The following PCDH15 variants were observed in gnomAD, a reference collection of about 807,000 sequenced individuals.
PCDH15 encodes the protein protocadherin-15.
A neutral mutation model predicts 178.5 loss-of-function variants in PCDH15; 129 were observed. The observed-to-expected ratio is 0.72, with a 90% CI of 0.63 to 0.84. The LOEUF is 0.84. Among genes scored for constraint, PCDH15 ranks in the 40% least tolerant of loss-of-function variants. PCDH15 has a pLI of 0.00. For missense variants in PCDH15, 2,230 were observed against 2,099.9 expected, an observed-to-expected ratio of 1.06 and a Z score of -1.21; for synonymous variants, 800 against 732.0, an observed-to-expected ratio of 1.09 and a Z score of -1.50.
rs1164391488 is a variant in PCDH15, at chr10:54,028,654, T to C, written c.2221-5457A>G. Among the ~76,000 whole-genome samples, 7 of 148,034 alleles carry C rather than the reference T, an allele frequency of 4.7e-5. No homozygotes were observed. In the Admixed American group the frequency reaches 4.7e-4, roughly 10 times the overall value. The stretch of plus-strand genomic sequence containing the variant: ...TCCTTTGTAGGGACATGGATGAAAT[T>C]GGAAATCATCATTCTCAGTAAACTA... On this transcript the variant is annotated intron_variant, in intron 18 of 37. Coordinates refer to ENST00000644397, the MANE Select transcript of PCDH15 (RefSeq NM_001384140.1).
chr10:55,305,876 C>G (rs904190960), intron 1 of PCDH15, among the ~76,000 whole-genome samples: 1 of 152,134 alleles, frequency 6.6e-6, no homozygotes, highest in African/African-American at 2.4e-5. Flanking sequence ...CTACCTTCCT[C>G]CTTGTAGACA....
chr10:54,080,273 C>A (rs186002419), intron 16 of PCDH15, among the ~76,000 whole-genome samples: 103 of 152,092 alleles, frequency 6.8e-4, no homozygotes, highest in Non-Finnish European at 1.3e-3. Flanking sequence ...ATTTTTAATA[C>A]CTACTCCTTA....
chr10:54,258,759 T>A (rs1027535497), intron 8 of PCDH15, among the ~76,000 whole-genome samples: 1 of 152,172 alleles, frequency 6.6e-6, no homozygotes, highest in African/African-American at 2.4e-5. Context: ...AGGGAAAATA[T>A]TTTTTTCAAT....
intron 15 of PCDH15, among the ~76,000 whole-genome samples, chr10:54,119,030 A>C (rs1370800801): frequency 6.6e-6 from 1 of 152,156 alleles, no homozygotes; most frequent in Admixed American, 6.5e-5. Context: ...ACAGAAATTA[A>C]AAATCCTAGT....
chr10:54,827,667 A>G (rs1285105382), intron 3 of PCDH15, among the ~76,000 whole-genome samples: 1 of 152,096 alleles, frequency 6.6e-6, no homozygotes, highest in Admixed American at 6.6e-5. Context: ...ACTGCATCTT[A>G]TTAAATTGCC....
chr10:55,517,152 A>G (rs575940071), intron 2 of PCDH15, among the ~76,000 whole-genome samples: 2 of 152,214 alleles, frequency 1.3e-5, no homozygotes, highest in Admixed American at 6.5e-5. Flanking sequence ...TTTAGAGGTA[A>G]GAGAGGTTAA....
intron 25 of PCDH15, 78 bp downstream of exon 25, chr10:53,938,737 T>C: frequency 1.4e-6 from 2 of 1,437,228 alleles, no homozygotes; most frequent in Non-Finnish European, 1.9e-6. Context: ...AATGATATTT[T>C]AGACATAGGT....
intron 2 of PCDH15, among the ~76,000 whole-genome samples, chr10:54,622,085 G>A (rs943477161): frequency 1.0e-5 from 1 of 98,790 alleles, no homozygotes; most frequent in Non-Finnish European, 2.3e-5. Flanking sequence ...GTGATATATA[G>A]TAAGAATGAG....
At chr10:54,424,430 C>T (rs911689765) in intron 3 of PCDH15, among the ~76,000 whole-genome samples, 6 of 151,848 alleles carry the variant, frequency 4.0e-5, no homozygotes, top group African/African-American at 1.2e-4. Flanking sequence ...ACTAGTTCAA[C>T]CATTGTGGAA....
At chr10:54,616,346 G>A (rs1204000480) in intron 2 of PCDH15, among the ~76,000 whole-genome samples, 1 of 152,050 alleles carries the variant, frequency 6.6e-6, no homozygotes, top group Admixed American at 6.6e-5. Flanking sequence ...CAGGTATAAA[G>A]AACATATTCC....
At chr10:54,146,453 T>G (rs137874869) in intron 14 of PCDH15, among the ~76,000 whole-genome samples, 194 of 152,042 alleles carry the variant, frequency 1.3e-3, no homozygotes, top group African/African-American at 4.5e-3. Context: ...TAGGATGAAG[T>G]AAATATTTAC....
intron 3 of PCDH15, among the ~76,000 whole-genome samples, chr10:54,526,773 G>C (rs2083401476): frequency 6.6e-6 from 1 of 152,164 alleles, no homozygotes; most frequent in African/African-American, 2.4e-5. Context: ...TGATTTCACA[G>C]AATGTGTGGG....
intron 1 of PCDH15, among the ~76,000 whole-genome samples, chr10:54,758,942 C>A (rs7910596): frequency 0.077 from 11,694 of 152,052 alleles, 1,462 homozygotes; most frequent in African/African-American, 0.27. Flanking sequence ...TCCTATAGGT[C>A]TGGCTTCTTC....
At chr10:54,158,292 A>G (rs562331444) in intron 13 of PCDH15, among the ~76,000 whole-genome samples, 74 of 152,208 alleles carry the variant, frequency 4.9e-4, no homozygotes, top group Admixed American at 2.2e-3. Context: ...AGGTCTCACA[A>G]TCATGGCAGA....
intron 10 of PCDH15, among the ~76,000 whole-genome samples, chr10:54,203,839 A>G (rs757983832): frequency 1.3e-5 from 2 of 152,148 alleles, no homozygotes; most frequent in African/African-American, 4.8e-5. Flanking sequence ...CGAACTACCA[A>G]TGATTCACGC....
chr10:54,834,883 C>G (rs1953288358), intron 3 of PCDH15, among the ~76,000 whole-genome samples: 1 of 152,170 alleles, frequency 6.6e-6, no homozygotes, highest in South Asian at 2.1e-4. Context: ...CTGTGTTAAT[C>G]TCTGACCATC....
At chr10:54,092,052 T>A (rs2094607929) in intron 15 of PCDH15, among the ~76,000 whole-genome samples, 1 of 152,138 alleles carries the variant, frequency 6.6e-6, no homozygotes, top group South Asian at 2.1e-4. Flanking sequence ...CTCCTTTCCA[T>A]CTTGACGTAC....
At chr10:53,877,790 T>C (rs1328085764) in intron 26 of PCDH15, among the ~76,000 whole-genome samples, 1 of 152,134 alleles carries the variant, frequency 6.6e-6, no homozygotes, top group East Asian at 1.9e-4. Flanking sequence ...TCCTCCCTAC[T>C]TCCAGTCCAT....
rs548510222 is a variant in PCDH15, at chr10:54,724,935, AATAG to A, written c.-28-60649_-28-60646del. Among the ~76,000 whole-genome samples, 571 of 150,576 alleles carry A rather than the reference AATAG, an allele frequency of 3.8e-3. 1 individual carries two copies. The highest frequency in any genetic ancestry group is 0.012 in the African/African-American group (506 of 41,154). ...ATATAGATATAGATATAGATATATA[AATAG>A]ATACACACATGCACACCTATGCACA... On this transcript the variant is annotated intron_variant, in intron 1 of 37. Coordinates refer to ENST00000644397, the MANE Select transcript of PCDH15 (RefSeq NM_001384140.1).
Sources: allele counts gnomAD v4.1 joint callset (sites outside exome capture counted in the v4.1 genomes callset), GRCh38; gene constraint gnomAD v4.1.1; transcripts MANE v1.5; gene names NCBI Gene and HGNC (gene_info 2026-07-23, HGNC 2026-07-21).